The following SORCS3 variants were observed in gnomAD, a reference collection of about 807,000 sequenced individuals.
SORCS3 encodes the protein sortilin related VPS10 domain containing receptor 3.
In SORCS3, 57 loss-of-function variants were observed where a neutral mutation model predicts 146.3. The ratio of observed to expected loss-of-function variants is 0.39; its 90% CI spans 0.31 to 0.49. The LOEUF (loss-of-function observed/expected upper bound fraction) is 0.49, where lower values mean the gene tolerates loss of function less well. SORCS3 is among the 20% of genes least tolerant of loss of function. The probability of loss-of-function intolerance (pLI) is 0.92; values close to 1 mark genes in which losing one functional copy is unlikely to be tolerated. For synonymous variants in SORCS3, 653 were observed against 618.5 expected, an observed-to-expected ratio of 1.06 and a Z score of -0.83; for missense variants, 1,341 against 1,575.5, an observed-to-expected ratio of 0.85 and a Z score of 2.52.
chr10:104,805,215 G>A (rs2017667672), intron 1 of SORCS3, among the ~76,000 whole-genome samples: 1 of 152,212 alleles, frequency 6.6e-6, no homozygotes. Flanking sequence ...TGGGGTTATA[G>A]GAGAGATGCA....
In SORCS3 at chr10:104,755,405, T is replaced by G. The variant is rs573991373; in HGVS notation, c.628-87387T>G. 3.9e-5 allele frequency among the ~76,000 whole-genome samples: 6 copies of G among 152,302 alleles called. No homozygotes were observed. The South Asian group carries it at 1.2e-3, about 32-fold the overall frequency. Reference sequence around the variant, plus strand: ...ATGTGAATTTTCTTGAGAAGAGAACTTGGGACTTAACATTAAGGAATTTAA... The same window carrying G: ...ATGTGAATTTTCTTGAGAAGAGAACGTGGGACTTAACATTAAGGAATTTAA... On this transcript the variant is annotated intron_variant, in intron 1 of 26. Coordinates refer to ENST00000369701, the MANE Select transcript of SORCS3 (RefSeq NM_014978.3).
rs568859674 is a variant in SORCS3, at chr10:104,842,314, T to C, written c.628-478T>C. Among the ~76,000 whole-genome samples, 154 of 152,340 alleles carry C rather than the reference T, an allele frequency of 1.0e-3. 2 individuals carry two copies. The highest frequency in any genetic ancestry group is 3.6e-3 in the African/African-American group (149 of 41,592). On this transcript the variant is annotated intron_variant, in intron 1 of 26. Coordinates refer to ENST00000369701, the MANE Select transcript of SORCS3 (RefSeq NM_014978.3). ...TTTATGCCTGCCAAGGCCCTGTTGA[T>C]GGAAACACAAAATCTCTTTGAACCC... is the stretch of plus-strand genomic sequence containing the variant.
intron 2 of SORCS3, among the ~76,000 whole-genome samples, chr10:104,880,609 T>C (rs528955462): frequency 3.4e-4 from 38 of 110,678 alleles, no homozygotes; most frequent in Non-Finnish European, 3.1e-4. Flanking sequence ...CTCTAACATC[T>C]TATCCCGTAG....
At chr10:104,692,112 G>A (rs61861255) in intron 1 of SORCS3, among the ~76,000 whole-genome samples, 10,092 of 152,150 alleles carry the variant, frequency 0.066, 459 homozygotes, top group Middle Eastern at 0.11. Flanking sequence ...CAGCAACCTG[G>A]CAGCCTTTCT....
chr10:104,941,032 A>G (rs1244417464), intron 3 of SORCS3, among the ~76,000 whole-genome samples: 2 of 152,222 alleles, frequency 1.3e-5, no homozygotes, highest in African/African-American at 2.4e-5. Flanking sequence ...AGGTGTTGCC[A>G]TGGCATTTGT....
At chr10:105,183,635 A>C (rs1449103862) in intron 14 of SORCS3, among the ~76,000 whole-genome samples, 1 of 152,174 alleles carries the variant, frequency 6.6e-6, no homozygotes, top group African/African-American at 2.4e-5. Flanking sequence ...GTAATCGGCA[A>C]ATCCGGTGGA....
intron 6 of SORCS3, among the ~76,000 whole-genome samples, chr10:105,090,211 C>G (rs773031560): frequency 1.3e-5 from 2 of 152,134 alleles, no homozygotes; most frequent in Non-Finnish European, 2.9e-5. Flanking sequence ...TTTATATAGG[C>G]AACCTTACCA....
chr10:105,244,451 C>A, intron 20 of SORCS3, among the ~76,000 whole-genome samples: 1 of 152,018 alleles, frequency 6.6e-6, no homozygotes, highest in East Asian at 1.9e-4. Flanking sequence ...AATGCAATAC[C>A]TGCAGATATG....
At chr10:104,654,453 C>T (rs1250346327) in intron 1 of SORCS3, among the ~76,000 whole-genome samples, 1 of 152,182 alleles carries the variant, frequency 6.6e-6, no homozygotes, top group Non-Finnish European at 1.5e-5. Flanking sequence ...TCTCCATGTC[C>T]TCACCAGCAT....
intron 1 of SORCS3, among the ~76,000 whole-genome samples, chr10:104,719,137 A>G (rs888875251): frequency 6.6e-6 from 1 of 152,198 alleles, no homozygotes; most frequent in Admixed American, 6.5e-5. Context: ...CTTGTATTTG[A>G]CACCTAAGCC....
intron 2 of SORCS3, among the ~76,000 whole-genome samples, chr10:104,843,722 C>T (rs1184657419): frequency 6.6e-6 from 1 of 152,242 alleles, no homozygotes; most frequent in Non-Finnish European, 1.5e-5. Flanking sequence ...TATACCTCCT[C>T]ACGTACATAT....
At chr10:105,169,478 G>A (rs1266714791) in intron 13 of SORCS3, among the ~76,000 whole-genome samples, 1 of 152,022 alleles carries the variant, frequency 6.6e-6, no homozygotes, top group Non-Finnish European at 1.5e-5. Context: ...GTGATGTGAG[G>A]GCTGACCTTT....
intron 2 of SORCS3, among the ~76,000 whole-genome samples, chr10:104,854,006 T>C (rs1199795014): frequency 6.6e-6 from 1 of 152,160 alleles, no homozygotes; most frequent in East Asian, 1.9e-4. Flanking sequence ...GAGATGAAGT[T>C]TGACCTCAGA....
At chr10:104,974,405 A>C (rs1206003903) in intron 3 of SORCS3, among the ~76,000 whole-genome samples, 1 of 152,120 alleles carries the variant, frequency 6.6e-6, no homozygotes, top group African/African-American at 2.4e-5. Flanking sequence ...TATATTTAGG[A>C]TAGTTAGCTC....
At position 104,892,854 on chromosome 10, in the gene SORCS3, G is replaced by A. The variant is rs552937405; in HGVS notation, c.696-22979G>A. Among the ~76,000 whole-genome samples, 188 of 152,076 alleles carry A rather than the reference G, an allele frequency of 1.2e-3. 1 individual carries two copies. Among genetic ancestry groups the A allele is most frequent in the African/African-American group, 4.0e-3 (166 of 41,476 alleles). ...GTAACACATAGTGTGTTCTCATTGCGTGCCTCTCTCTCTTGCTCACTGTAT... is the reference window on the plus strand; with the variant it reads ...GTAACACATAGTGTGTTCTCATTGCATGCCTCTCTCTCTTGCTCACTGTAT... On this transcript the variant is annotated intron_variant, in intron 2 of 26. Coordinates refer to ENST00000369701, the MANE Select transcript of SORCS3 (RefSeq NM_014978.3).
In SORCS3 at chr10:105,264,169, G is replaced by A. The variant is rs1263375388; in HGVS notation, c.*795G>A. 1 of 151,156 alleles carries A rather than the reference G, an allele frequency of 6.6e-6. No individual in the cohort carries two copies. Among genetic ancestry groups the A allele is most frequent in the Non-Finnish European group, 1.5e-5 (1 of 67,884 alleles). The allele number at this position is 151,156 out of a possible 1,614,324, so 9.4% of individuals were successfully genotyped here. On this transcript the variant is annotated 3_prime_UTR_variant, in exon 27 of 27. Coordinates refer to ENST00000369701, the MANE Select transcript of SORCS3 (RefSeq NM_014978.3). ...GGGGTGGGGGGAGGGGCTTCTCTGG[G>A]GCAATTGATAAAGGAAGGACTCTAG...
At position 104,644,980 on chromosome 10, in the gene SORCS3, A is replaced by G. The variant is rs549141930; in HGVS notation, c.627+3026A>G. On this transcript the variant is annotated intron_variant, in intron 1 of 26. Coordinates refer to ENST00000369701, the MANE Select transcript of SORCS3 (RefSeq NM_014978.3). Reference sequence around the variant, plus strand: ...GTGTGCCCCAGGTGGTTGAGGGTGCAGGAGGAGACCCTTGACCAAGGCTTG... The same window carrying G: ...GTGTGCCCCAGGTGGTTGAGGGTGCGGGAGGAGACCCTTGACCAAGGCTTG... Among the ~76,000 whole-genome samples, 5 of 152,328 alleles carry G rather than the reference A, an allele frequency of 3.3e-5. No homozygotes were observed. The East Asian group carries it at 9.7e-4, about 29-fold the overall frequency.
intron 16 of SORCS3, among the ~76,000 whole-genome samples, chr10:105,206,950 G>A (rs1266791666): frequency 6.6e-6 from 1 of 152,148 alleles, no homozygotes; most frequent in Non-Finnish European, 1.5e-5. Context: ...GGGAATCAGG[G>A]AGGCTGTGAT....
intron 1 of SORCS3, among the ~76,000 whole-genome samples, chr10:104,776,129 C>G (rs1364655975): frequency 6.6e-6 from 1 of 152,030 alleles, no homozygotes; most frequent in Non-Finnish European, 1.5e-5. Context: ...AGAGGGTACA[C>G]TGGGCAGGGG....
Sources: gnomAD v4.1 joint callset for allele counts (sites outside exome capture counted in the v4.1 genomes callset) on GRCh38, gnomAD v4.1.1 for gene constraint, MANE v1.5 for transcripts, NCBI Gene and HGNC (gene_info 2026-07-23, HGNC 2026-07-21) for gene names.